PTPRD: variants seen among roughly 807,000 people sequenced by gnomAD.
PTPRD encodes receptor-type tyrosine-protein phosphatase delta.
A neutral mutation model predicts 214.5 loss-of-function variants in PTPRD; 34 were observed. The observed-to-expected ratio is 0.16, with a 90% CI of 0.12 to 0.21. The LOEUF (loss-of-function observed/expected upper bound fraction) is 0.21, where lower values mean the gene tolerates loss of function less well. Among genes scored for constraint, PTPRD ranks in the 10% least tolerant of loss-of-function variants. The pLI is 1.00. For synonymous variants in PTPRD, 1,128 were observed against 845.7 expected (o/e 1.33, Z -5.79); for missense variants, 2,545 against 2,398.7 (o/e 1.06, Z -1.27).
At chr9:9,280,809 C>A (rs140226854) in intron 9 of PTPRD, among the ~76,000 whole-genome samples, 1 of 150,896 alleles carries the variant, frequency 6.6e-6, no homozygotes, top group Non-Finnish European at 1.5e-5. Flanking sequence ...GGCAAAAGAC[C>A]CAGAATAGTC....
chr9:9,330,609 T>A (rs1259903388), intron 9 of PTPRD, among the ~76,000 whole-genome samples: 4 of 152,096 alleles, frequency 2.6e-5, no homozygotes, highest in Non-Finnish European at 4.4e-5. Flanking sequence ...TATAAATGTA[T>A]GATGATGCTA....
chr9:9,807,681 T>G (rs1598394919), intron 5 of PTPRD, among the ~76,000 whole-genome samples: 1 of 152,196 alleles, frequency 6.6e-6, no homozygotes, highest in South Asian at 2.1e-4. Context: ...TCATTCTATT[T>G]ACAGCATTCT....
At chr9:9,932,297 C>A (rs1211466698) in intron 5 of PTPRD, among the ~76,000 whole-genome samples, 3 of 146,410 alleles carry the variant, frequency 2.0e-5, no homozygotes, top group African/African-American at 7.9e-5. Flanking sequence ...GGAGGACATT[C>A]AAACCAAAGG....
chr9:9,225,777 A>C (rs1004069185), intron 9 of PTPRD, among the ~76,000 whole-genome samples: 1 of 152,104 alleles, frequency 6.6e-6, no homozygotes, highest in African/African-American at 2.4e-5. Context: ...AGAACATAAA[A>C]TACAGAACAC....
chr9:9,046,121 C>A (rs324535), intron 10 of PTPRD, among the ~76,000 whole-genome samples: 36,467 of 152,112 alleles, frequency 0.24, 4,953 homozygotes, highest in Non-Finnish European at 0.3. Context: ...TTATCTATAT[C>A]TTTCAGCTTC....
At chr9:9,941,784 G>C (rs889424372) in intron 4 of PTPRD, among the ~76,000 whole-genome samples, 2 of 152,090 alleles carry the variant, frequency 1.3e-5, no homozygotes, top group Admixed American at 1.3e-4. Flanking sequence ...AGTCACTTTT[G>C]TAACTTTTCT....
intron 9 of PTPRD, among the ~76,000 whole-genome samples, chr9:9,304,497 T>A (rs766927639): frequency 6.6e-6 from 1 of 152,008 alleles, no homozygotes; most frequent in Non-Finnish European, 1.5e-5. Context: ...GACAACTCAT[T>A]TGGATTTAAG....
intron 10 of PTPRD, among the ~76,000 whole-genome samples, chr9:9,143,858 G>C (rs551231171): frequency 6.6e-6 from 1 of 152,326 alleles, no homozygotes; most frequent in Admixed American, 6.5e-5. Context: ...GTTGTACTTA[G>C]TGATCCGAAT....
chr9:10,519,607 A>G (rs2051466878), intron 2 of PTPRD, among the ~76,000 whole-genome samples: 1 of 152,144 alleles, frequency 6.6e-6, no homozygotes, highest in Non-Finnish European at 1.5e-5. Flanking sequence ...GCATTTTTTT[A>G]TAAACTGATG....
At chr9:10,465,138 TAAAG>T (rs1263132522) in intron 2 of PTPRD, among the ~76,000 whole-genome samples, 3 of 152,072 alleles carry the variant, frequency 2.0e-5, no homozygotes, top group Non-Finnish European at 2.9e-5. Context: ...CTAATAACAA[TAAAG>T]AAAGTCAATA....
At chr9:10,299,186 T>C (rs549789553) in intron 3 of PTPRD, among the ~76,000 whole-genome samples, 40 of 152,320 alleles carry the variant, frequency 2.6e-4, no homozygotes, top group Middle Eastern at 6.8e-3. Context: ...TTTTACATAG[T>C]AATTTCACAC....
At chr9:9,881,876 G>T (rs1600762512) in intron 5 of PTPRD, among the ~76,000 whole-genome samples, 1 of 152,050 alleles carries the variant, frequency 6.6e-6, no homozygotes, top group Non-Finnish European at 1.5e-5. Context: ...TTTACCACAA[G>T]AACATGCCTG....
chr9:8,547,378 G>A (rs932368412), intron 14 of PTPRD, among the ~76,000 whole-genome samples: 2 of 152,056 alleles, frequency 1.3e-5, no homozygotes, highest in African/African-American at 4.8e-5. Context: ...GGCATAGTGG[G>A]CCAGGCATGG....
chr9:9,225,958 T>C (rs1332285355), intron 9 of PTPRD, among the ~76,000 whole-genome samples: 1 of 152,024 alleles, frequency 6.6e-6, no homozygotes, highest in African/African-American at 2.4e-5. Flanking sequence ...ACTCCTAATA[T>C]ATTTTTTGTT....
intron 3 of PTPRD, among the ~76,000 whole-genome samples, chr9:10,043,653 G>C (rs1230328706): frequency 1.3e-5 from 2 of 151,762 alleles, no homozygotes; most frequent in African/African-American, 4.8e-5. Flanking sequence ...AAAAAGGTGA[G>C]ATGATGGTTC....
intron 11 of PTPRD, among the ~76,000 whole-genome samples, chr9:8,824,011 T>A (rs1045690726): frequency 1.3e-5 from 2 of 152,210 alleles, no homozygotes; most frequent in Non-Finnish European, 2.9e-5. Flanking sequence ...ATGGCATTTG[T>A]AAACTGTCAT....
intron 2 of PTPRD, among the ~76,000 whole-genome samples, chr9:10,350,405 C>T (rs1244519331): frequency 6.6e-6 from 1 of 151,950 alleles, no homozygotes; most frequent in Non-Finnish European, 1.5e-5. Flanking sequence ...TTTAGGGTGG[C>T]TCACTTAATC....
intron 39 of PTPRD, among the ~76,000 whole-genome samples, chr9:8,366,635 G>C (rs2079957936): frequency 6.6e-6 from 1 of 152,172 alleles, no homozygotes; most frequent in African/African-American, 2.4e-5. Flanking sequence ...TGAGGAGGCA[G>C]TCTGACATTA....
chr9:9,263,064 TA>T (rs759152858), intron 9 of PTPRD, among the ~76,000 whole-genome samples: 54 of 151,708 alleles, frequency 3.6e-4, no homozygotes, highest in Non-Finnish European at 5.6e-4. Context: ...ATCCTCAGGG[TA>T]AAAAAATTAA....
Sources: gnomAD v4.1 joint callset for allele counts (sites outside exome capture counted in the v4.1 genomes callset) on GRCh38, gnomAD v4.1.1 for gene constraint, MANE v1.5 for transcripts, NCBI Gene and HGNC (gene_info 2026-07-23, HGNC 2026-07-21) for gene names.